Variants in ZRANB3 observed in about 807,000 individuals in gnomAD.
ZRANB3 encodes DNA annealing helicase and endonuclease ZRANB3.
In ZRANB3, 125 loss-of-function variants were observed where a neutral mutation model predicts 133.8. That is an observed-to-expected ratio of 0.93 (90% CI 0.81 to 1.08). The LOEUF (loss-of-function observed/expected upper bound fraction) is 1.08. Ranked by LOEUF, ZRANB3 falls within the 50% of genes least tolerant of loss-of-function variation. ZRANB3 has a pLI of 0.00. For missense variants in ZRANB3, 1,229 were observed against 1,275.5 expected (o/e 0.96, Z 0.56); for synonymous variants, 387 against 432.7 (o/e 0.89, Z 1.31).
intron 8 of ZRANB3, among the ~76,000 whole-genome samples, chr2:135,291,473 G>A (rs556937451): frequency 6.6e-6 from 1 of 152,268 alleles, no homozygotes; most frequent in African/African-American, 2.4e-5. Context: ...ATGAGTCACA[G>A]CACCTGGCCA....
intron 3 of ZRANB3, among the ~76,000 whole-genome samples, chr2:135,378,590 A>AG (rs1378074307): frequency 6.6e-6 from 1 of 152,102 alleles, no homozygotes; most frequent in Non-Finnish European, 1.5e-5. Flanking sequence ...GTATAAAAAA[A>AG]GGGGGGGAAA....
chr2:135,349,159 TAGAC>T (rs1470459954), intron 5 of ZRANB3, among the ~76,000 whole-genome samples: 2 of 152,178 alleles, frequency 1.3e-5, no homozygotes, highest in South Asian at 2.1e-4. Flanking sequence ...GTAATACTGT[TAGAC>T]AGGGCAATGA....
At chr2:135,245,926 C>CCAAAAAA (rs1695770067) in intron 12 of ZRANB3, among the ~76,000 whole-genome samples, 1 of 19,552 alleles carries the variant, frequency 5.1e-5, no homozygotes, top group Non-Finnish European at 7.6e-5. Context: ...AACTCCGTCT[C>CCAAAAAA]AAAAAAAAAA....
At chr2:135,501,790 C>T (rs1490045638) in intron 2 of ZRANB3, among the ~76,000 whole-genome samples, 1 of 152,148 alleles carries the variant, frequency 6.6e-6, no homozygotes, top group Non-Finnish European at 1.5e-5. Flanking sequence ...ATTCCTAGAT[C>T]AAATGTTTCC....
rs1004495429 is a variant in ZRANB3, at chr2:135,479,928, G to A, written c.161+24401C>T. Among the ~76,000 whole-genome samples the A allele has an allele frequency of 6.6e-5, 10 of 151,372 alleles. No homozygotes were observed. In the South Asian group the frequency reaches 8.4e-4, roughly 13 times the overall value. On this transcript the variant is annotated intron_variant, in intron 2 of 20. Transcript: ENST00000264159. ...TTTGGTTTTTTATACCTATACTTAC[G>A]ATTAATTCATATTTTCTTTTTTTTT...
chr2:135,297,954 C>T (rs1473698004), intron 8 of ZRANB3, among the ~76,000 whole-genome samples: 1 of 152,012 alleles, frequency 6.6e-6, no homozygotes, highest in African/African-American at 2.4e-5. Context: ...ATTGGCTGGG[C>T]TTGGTAGCTC....
intron 20 of ZRANB3, 67 bp from the exon 21 acceptor site, chr2:135,200,507 CT>C (rs1693576558): frequency 7.6e-7 from 1 of 1,315,758 alleles, no homozygotes; most frequent in African/African-American, 1.5e-5. Context: ...AGCTCAAAAA[CT>C]CTTTATATTG....
intron 3 of ZRANB3, among the ~76,000 whole-genome samples, chr2:135,381,376 C>A (rs991650780): frequency 2.0e-5 from 3 of 152,206 alleles, no homozygotes; most frequent in Non-Finnish European, 2.9e-5. Flanking sequence ...GCGGAGCCCA[C>A]GGCAGTTCAA....
chr2:135,387,688 G>T (rs1687041623), intron 3 of ZRANB3, among the ~76,000 whole-genome samples: 1 of 152,154 alleles, frequency 6.6e-6, no homozygotes, highest in South Asian at 2.1e-4. Flanking sequence ...AAATGCTGGT[G>T]AAAAGAGAGA....
chr2:135,218,448 C>T (rs568207925), intron 16 of ZRANB3, among the ~76,000 whole-genome samples: 137 of 152,220 alleles, frequency 9.0e-4, no homozygotes, highest in African/African-American at 3.2e-3. Context: ...AAATAGCTTA[C>T]TGCTCCCTTT....
intron 2 of ZRANB3, among the ~76,000 whole-genome samples, chr2:135,457,791 T>C (rs1180467676): frequency 6.6e-6 from 1 of 152,134 alleles, no homozygotes; most frequent in Non-Finnish European, 1.5e-5. Flanking sequence ...TGCTGAGTTA[T>C]AAGTTTTTTA....
In ZRANB3 at chr2:135,315,484, G is replaced by C; in HGVS notation, c.724C>G (p.Leu242Val). 1.9e-6 allele frequency: 3 copies of C among 1,590,794 alleles called. No individual in the cohort carries two copies. Among genetic ancestry groups the C allele is most frequent in the Non-Finnish European group, 1.7e-6 (2 of 1,170,846 alleles). ...CTTAATAGCTGGTGAAGTTCATTAA[G>C]ATTTGATGCCCCTCTACAATCCCAC... ...PQWDCRGASN[L>V]NELHQLLSDI... Residue 242 changes from leucine to valine, a missense_variant, in exon 7 of 21, where the codon CTT becomes GTT. Coordinates refer to ENST00000264159, the MANE Select transcript of ZRANB3 (RefSeq NM_032143.4).
chr2:135,409,674 G>T (rs1289934528), intron 2 of ZRANB3, among the ~76,000 whole-genome samples: 18 of 152,048 alleles, frequency 1.2e-4, no homozygotes, highest in Non-Finnish European at 2.5e-4. Context: ...CGAAAAAGAG[G>T]AACTCGAATT....
At chr2:135,511,391 T>C (rs551085894) in intron 1 of ZRANB3, 11 of 802,878 alleles carry the variant, frequency 1.4e-5, no homozygotes, top group South Asian at 1.3e-4. Context: ...CTAAATGTTC[T>C]TCCACGTCAT....
intron 2 of ZRANB3, among the ~76,000 whole-genome samples, chr2:135,461,839 G>T (rs1274846959): frequency 6.6e-6 from 1 of 152,028 alleles, no homozygotes; most frequent in Non-Finnish European, 1.5e-5. Context: ...CTAGCAAAAT[G>T]GAAAATATAG....
rs140465481 is a variant in ZRANB3 at position 135,440,906 on chromosome 2, A to T, written c.162-50086T>A. Among the ~76,000 whole-genome samples, 462 of 152,316 alleles carry T rather than the reference A, an allele frequency of 3.0e-3. 3 individuals are homozygous for T. The highest frequency in any genetic ancestry group is 0.01 in the African/African-American group (430 of 41,566). On this transcript the variant is annotated intron_variant, in intron 2 of 20. Transcript: ENST00000264159. The stretch of plus-strand genomic sequence containing the variant: ...AAATAATTAGTGAATTTGATAGAGC[A>T]ATAGAAATTATCCAATCTGAGGTAC...
At chr2:135,315,155 A>G (rs1352077592) in intron 7 of ZRANB3, among the ~76,000 whole-genome samples, 1 of 152,136 alleles carries the variant, frequency 6.6e-6, no homozygotes, top group Admixed American at 6.6e-5. Flanking sequence ...CTAGGTTACC[A>G]TATCTTTTTA....
At chr2:135,303,423 T>G (rs1682537776) in intron 8 of ZRANB3, among the ~76,000 whole-genome samples, 1 of 152,134 alleles carries the variant, frequency 6.6e-6, no homozygotes, top group Non-Finnish European at 1.5e-5. Context: ...CAAGACTTCT[T>G]TTTTTCCTTA....
intron 6 of ZRANB3, among the ~76,000 whole-genome samples, chr2:135,325,725 G>C (rs1223137497): frequency 6.6e-6 from 1 of 152,086 alleles, no homozygotes; most frequent in Non-Finnish European, 1.5e-5. Context: ...AATGAAGAAA[G>C]TGTGTTAGAA....
Sources: allele counts gnomAD v4.1 joint callset (sites outside exome capture counted in the v4.1 genomes callset), GRCh38; gene constraint gnomAD v4.1.1; transcripts MANE v1.5; gene names NCBI Gene and HGNC (gene_info 2026-07-23, HGNC 2026-07-21).